RTL9: variants seen among roughly 807,000 people sequenced by gnomAD.
RTL9 encodes retrotransposon Gag like 9, also known as retrotransposon Gag-like protein 9.
A neutral mutation model predicts 44.7 loss-of-function variants in RTL9; 19 were observed. The ratio of observed to expected loss-of-function variants is 0.42; its 90% CI spans 0.30 to 0.62. The LOEUF is 0.62. RTL9 is among the 20% of genes least tolerant of loss of function. RTL9 has a pLI of 0.16. For missense variants in RTL9, 1,105 were observed against 1,080.6 expected, an observed-to-expected ratio of 1.02 and a Z score of -0.32; for synonymous variants, 407 against 398.9, an observed-to-expected ratio of 1.02 and a Z score of -0.24.
At chrX:110,412,822 A>T (rs1362367785) in intron 1 of RTL9, among the ~76,000 whole-genome samples, 1 of 112,520 alleles carries the variant, frequency 8.9e-6, no homozygotes, top group Non-Finnish European at 1.9e-5. Flanking sequence ...TAAGGGTATT[A>T]TATGTTACAC....
chrX:110,453,864 T>A (rs767225639), exon 1 of RTL9: 3 of 1,209,969 alleles, frequency 2.5e-6, no homozygotes, highest in Non-Finnish European at 3.4e-6. Flanking sequence ...TGGAACAATG[T>A]CCACACCACA....
At chrX:110,398,071 C>T (rs1046345530) in intron 1 of RTL9, among the ~76,000 whole-genome samples, 2 of 112,055 alleles carry the variant, frequency 1.8e-5, no homozygotes, top group African/African-American at 3.2e-5. Flanking sequence ...CCTCCTCCCA[C>T]GCATAGGCTG....
intron 1 of RTL9, among the ~76,000 whole-genome samples, chrX:110,405,014 A>G (rs962573043): frequency 9.1e-6 from 1 of 109,933 alleles, no homozygotes; most frequent in Non-Finnish European, 1.9e-5. Flanking sequence ...GAAACTATAC[A>G]TACTGTGATG....
At chrX:110,450,681 C>A (rs770623291) in exon 1 of RTL9, 1 of 1,210,960 alleles carries the variant, frequency 8.3e-7, no homozygotes, top group Non-Finnish European at 1.1e-6. Context: ...TGTTGAGCCC[C>A]AAAACAAGCA....
At chrX:110,364,922 C>T (rs754252332) in intron 1 of RTL9, among the ~76,000 whole-genome samples, 36 of 112,127 alleles carry the variant, frequency 3.2e-4, no homozygotes, top group Non-Finnish European at 5.6e-4. Flanking sequence ...CAGCTCCCTG[C>T]ATCAGGTCAC....
chrX:110,361,472 G>A (rs952121272), intron 1 of RTL9, among the ~76,000 whole-genome samples: 3 of 111,029 alleles, frequency 2.7e-5, no homozygotes, highest in African/African-American at 9.8e-5. Flanking sequence ...TTTATTATGT[G>A]AATGTCAGAT....
chrX:110,427,218 C>T (rs781415831), intron 1 of RTL9, among the ~76,000 whole-genome samples: 4 of 111,794 alleles, frequency 3.6e-5, no homozygotes, highest in Non-Finnish European at 5.6e-5. Flanking sequence ...CCTCTGTGAC[C>T]ATTCTCCCCA....
chrX:110,369,949 T>C (rs1323340069), intron 1 of RTL9, among the ~76,000 whole-genome samples: 2 of 110,898 alleles, frequency 1.8e-5, no homozygotes, highest in East Asian at 5.7e-4. Flanking sequence ...TGTACATGTA[T>C]ATCTTTTAGC....
chrX:110,360,892 G>A (rs1211906999), intron 1 of RTL9, among the ~76,000 whole-genome samples: 1 of 111,560 alleles, frequency 9.0e-6, no homozygotes, highest in Non-Finnish European at 1.9e-5. Flanking sequence ...CTGACTTCTG[G>A]AGTTGAAAGG....
At chrX:110,454,479 C>T (rs1446494457) in exon 1 of RTL9, 9 of 1,210,235 alleles carry the variant, frequency 7.4e-6, no homozygotes, top group Non-Finnish European at 1.0e-5. Flanking sequence ...CAAAATGGGT[C>T]GGATCTTCCT....
At chrX:110,390,983 C>T (rs1428565996) in intron 1 of RTL9, among the ~76,000 whole-genome samples, 2 of 111,846 alleles carry the variant, frequency 1.8e-5, no homozygotes, top group Non-Finnish European at 3.8e-5. Flanking sequence ...GTAGCTTCAT[C>T]TTCAAAAGGT....
intron 1 of RTL9, among the ~76,000 whole-genome samples, chrX:110,433,725 G>A (rs1055204226): frequency 1.8e-5 from 2 of 112,103 alleles, no homozygotes; most frequent in East Asian, 5.6e-4. Context: ...CCCTGAATGA[G>A]TGTTAACTAG....
rs778367598 is a variant in RTL9, at chrX:110,452,786, G to A, written c.2169G>A (p.Met723Ile). The A allele has an allele frequency of 1.3e-5, 16 of 1,209,849 alleles. No homozygotes were observed. Among genetic ancestry groups the A allele is most frequent in the Non-Finnish European group, 1.7e-5 (15 of 895,221 alleles). The stretch of plus-strand genomic sequence containing the variant: ...CTGGAAAGATGCTCAGTCAGCCAAT[G>A]AGCACCCAAGATCCTGGAGGGATGT... The change falls in exon 1 of 2, where the codon ATG (methionine) becomes ATA (isoleucine). Residue 723 changes from methionine (M) to isoleucine (I), a missense_variant. Coordinates refer to ENST00000540313, the Ensembl canonical transcript of RTL9.
At chrX:110,420,692 C>T (rs1232663350) in intron 1 of RTL9, among the ~76,000 whole-genome samples, 3 of 112,106 alleles carry the variant, frequency 2.7e-5, no homozygotes, top group Admixed American at 9.4e-5. Context: ...TAAACAAATA[C>T]CCACAAACCG....
chrX:110,410,056 T>C (rs886215717), intron 1 of RTL9, among the ~76,000 whole-genome samples: 3 of 111,901 alleles, frequency 2.7e-5, no homozygotes, highest in African/African-American at 3.3e-5. Flanking sequence ...CACTGGTGAT[T>C]TTGATGAGGA....
intron 1 of RTL9, among the ~76,000 whole-genome samples, chrX:110,428,953 G>A (rs1367866527): frequency 8.9e-6 from 1 of 112,117 alleles, no homozygotes; most frequent in Non-Finnish European, 1.9e-5. Context: ...TGTATCCAGC[G>A]CACTGGCCAA....
chrX:110,453,515 A>G, exon 1 of RTL9: 1 of 1,211,653 alleles, frequency 8.3e-7, no homozygotes. Context: ...CCATGCCTTT[A>G]ATGTCAGCCA....
intron 1 of RTL9, among the ~76,000 whole-genome samples, chrX:110,441,025 A>G (rs1161388136): frequency 8.9e-6 from 1 of 111,956 alleles, no homozygotes; most frequent in African/African-American, 3.3e-5. Flanking sequence ...AGTGTGGTTC[A>G]GTATGTGGAA....
chrX:110,401,091 A>T (rs2068561511), intron 1 of RTL9, among the ~76,000 whole-genome samples: 1 of 112,510 alleles, frequency 8.9e-6, no homozygotes, highest in Admixed American at 9.4e-5. Flanking sequence ...CGTTTTACAG[A>T]TGAAAGTGGA....
Sources: gnomAD v4.1 joint callset for allele counts (sites outside exome capture counted in the v4.1 genomes callset) on GRCh38, gnomAD v4.1.1 for gene constraint, MANE v1.5 for transcripts, NCBI Gene and HGNC (gene_info 2026-07-23, HGNC 2026-07-21) for gene names.